RIN2: variants seen among roughly 807,000 people sequenced by gnomAD.
The protein encoded by RIN2 is Ras and Rab interactor 2.
RIN2 carries 36 observed loss-of-function variants against 78.0 expected under a neutral mutation model. The observed-to-expected ratio is 0.46, with a 90% CI of 0.35 to 0.61. RIN2 has a LOEUF of 0.61. Among genes scored for constraint, RIN2 ranks in the 20% least tolerant of loss-of-function variants. The pLI, the probability that RIN2 is intolerant of heterozygous loss-of-function variation, is 0.00. For missense variants in RIN2, 1,087 were observed against 1,159.7 expected, an observed-to-expected ratio of 0.94 and a Z score of 0.91; for synonymous variants, 466 against 466.8, an observed-to-expected ratio of 1.00 and a Z score of 0.02.
rs45488002 is a variant in RIN2 at position 19,960,775 on chromosome 20, C to T, written c.427C>T (p.Pro143Ser). The stretch of plus-strand genomic sequence containing the variant: ...CCGCCTGCCCTGTGAATTTGGGGCC[C>T]CACTCAAGGAATTTGCCATAAAGGA... Reference protein sequence around the residue: ...SLRLPCEFGAPLKEFAIKEST... With the variant: ...SLRLPCEFGASLKEFAIKEST... The change falls in exon 6 of 13, where the codon CCA (proline) becomes TCA (serine). Residue 143 changes from proline to serine, a missense_variant. Pro to Ser is a moderately conservative substitution (Grantham distance 74, BLOSUM62 -1). Transcript: ENST00000255006. The T allele has an allele frequency of 0.011, 17,579 of 1,601,884 alleles. 143 individuals carry two copies. Among genetic ancestry groups the T allele is most frequent in the Non-Finnish European group, 0.013 (15,295 of 1,174,216 alleles).
At chr20:19,838,076 G>A (rs971141821) in intron 2 of RIN2, among the ~76,000 whole-genome samples, 2 of 152,172 alleles carry the variant, frequency 1.3e-5, no homozygotes, top group Non-Finnish European at 2.9e-5. Context: ...TCAGATTTTA[G>A]TTAAAAAACA....
At chr20:19,765,632 A>G (rs2033852836) in intron 1 of RIN2, among the ~76,000 whole-genome samples, 2 of 152,180 alleles carry the variant, frequency 1.3e-5, no homozygotes, top group Admixed American at 1.3e-4. Context: ...TTGAGTTTGA[A>G]CTGGAAGACC....
At chr20:19,900,945 CAAAAAAAAAAAAA>C (rs869239642) in intron 3 of RIN2, among the ~76,000 whole-genome samples, 23 of 29,598 alleles carry the variant, frequency 7.8e-4, no homozygotes, top group Non-Finnish European at 1.1e-3. Context: ...AGCTCTGTCT[CAAAAAAAAAAAAA>C]AAAAAAAAAA....
intron 3 of RIN2, among the ~76,000 whole-genome samples, chr20:19,920,479 C>G (rs1453600362): frequency 6.6e-6 from 1 of 152,092 alleles, no homozygotes; most frequent in Admixed American, 6.5e-5. Context: ...ACAACTGATG[C>G]AATAGATCAA....
chr20:19,928,720 G>A (rs1411768038), intron 3 of RIN2, among the ~76,000 whole-genome samples: 1 of 152,140 alleles, frequency 6.6e-6, no homozygotes, highest in Non-Finnish European at 1.5e-5. Flanking sequence ...TTCTCAAGGT[G>A]TGTTATGCAC....
intron 9 of RIN2, among the ~76,000 whole-genome samples, chr20:19,984,009 C>T (rs1204877402): frequency 1.3e-5 from 2 of 151,352 alleles, no homozygotes; most frequent in Non-Finnish European, 2.9e-5. Flanking sequence ...AGGTATTTCT[C>T]CTAATGCTAT....
chr20:19,884,849 G>T (rs967140639), intron 2 of RIN2, among the ~76,000 whole-genome samples: 1 of 152,184 alleles, frequency 6.6e-6, no homozygotes, highest in Non-Finnish European at 1.5e-5. Flanking sequence ...CTCCCTGGGA[G>T]CTGGTTAAGC....
intron 2 of RIN2, among the ~76,000 whole-genome samples, chr20:19,836,974 G>C (rs2036435588): frequency 6.6e-6 from 1 of 152,020 alleles, no homozygotes; most frequent in Non-Finnish European, 1.5e-5. Flanking sequence ...GCCTCATCCT[G>C]GCCACTGCGC....
chr20:19,949,098 G>A (rs979582568), intron 4 of RIN2, among the ~76,000 whole-genome samples: 5 of 152,188 alleles, frequency 3.3e-5, no homozygotes, highest in African/African-American at 9.7e-5. Context: ...GGACAACGTG[G>A]TGAAACCTCG....
At chr20:19,826,571 G>T (rs1156469337) in intron 2 of RIN2, among the ~76,000 whole-genome samples, 2 of 152,142 alleles carry the variant, frequency 1.3e-5, no homozygotes, top group African/African-American at 4.8e-5. Context: ...TCTGATAGTT[G>T]GCAGCAAGCA....
At chr20:19,929,350 T>A (rs2040353405) in intron 3 of RIN2, among the ~76,000 whole-genome samples, 1 of 151,968 alleles carries the variant, frequency 6.6e-6, no homozygotes, top group African/African-American at 2.4e-5. Flanking sequence ...GTTTTGTTTG[T>A]TTGTTTGTTT....
intron 1 of RIN2, among the ~76,000 whole-genome samples, chr20:19,788,440 A>AAAAAAAAACAAAAAAAAACC (rs1568752691): frequency 4.5e-5 from 5 of 110,158 alleles, no homozygotes; most frequent in African/African-American, 2.3e-4. Context: ...GCCAAAAAAA[A>AAAAAAAAACAAAAAAAAACC]AAAAAAAAAC....
chr20:19,762,929 AATTTTTTGT>A (rs1044466266), intron 1 of RIN2, among the ~76,000 whole-genome samples: 5 of 151,940 alleles, frequency 3.3e-5, no homozygotes, highest in African/African-American at 1.2e-4. Flanking sequence ...ACACCTGGCT[AATTTTTTGT>A]ATTTTTAGTA....
At chr20:19,968,085 A>T (rs544251876) in intron 7 of RIN2, among the ~76,000 whole-genome samples, 1 of 152,004 alleles carries the variant, frequency 6.6e-6, no homozygotes, top group East Asian at 1.9e-4. Context: ...CCAGGTTTTG[A>T]CCCTCACTTC....
intron 1 of RIN2, among the ~76,000 whole-genome samples, chr20:19,788,451 A>AAAAAAAAAAAAAAAAAAAG (rs2034774719): frequency 6.8e-6 from 1 of 146,826 alleles, no homozygotes; most frequent in African/African-American, 2.6e-5. Flanking sequence ...AAAAAAAAAC[A>AAAAAAAAAAAAAAAAAAAG]ACTAGCTAGG....
chr20:19,837,170 AC>A (rs1306018914), intron 2 of RIN2, among the ~76,000 whole-genome samples: 8 of 8,958 alleles, frequency 8.9e-4, no homozygotes, highest in African/African-American at 7.2e-3. Flanking sequence ...GCCCCCCCCA[AC>A]ACACACACAC....
intron 3 of RIN2, among the ~76,000 whole-genome samples, chr20:19,913,995 A>C (rs533218480): frequency 1.3e-5 from 2 of 152,236 alleles, no homozygotes; most frequent in African/African-American, 2.4e-5. Context: ...AGGCATATGC[A>C]CACGTGCGTT....
intron 4 of RIN2, among the ~76,000 whole-genome samples, chr20:19,948,595 A>G (rs942999374): frequency 5.9e-5 from 9 of 152,100 alleles, no homozygotes; most frequent in African/African-American, 2.2e-4. Context: ...GGGTTTCACC[A>G]TGTTGGCCAG....
intron 2 of RIN2, among the ~76,000 whole-genome samples, chr20:19,834,144 C>A (rs1405875376): frequency 3.9e-5 from 6 of 152,154 alleles, no homozygotes; most frequent in Non-Finnish European, 7.3e-5. Flanking sequence ...CTCCTTAGTA[C>A]AGACTGTCAG....
Sources: gnomAD v4.1 joint callset for allele counts (sites outside exome capture counted in the v4.1 genomes callset) on GRCh38, gnomAD v4.1.1 for gene constraint, MANE v1.5 for transcripts, NCBI Gene and HGNC (gene_info 2026-07-23, HGNC 2026-07-21) for gene names.